ESRRG: variants seen among roughly 807,000 people sequenced by gnomAD.
ESRRG encodes estrogen related receptor gamma.
In ESRRG, 13 loss-of-function variants were observed where a neutral mutation model predicts 44.0. The observed-to-expected ratio is 0.30, with a 90% CI of 0.19 to 0.47. ESRRG has a LOEUF of 0.47. Among genes scored for constraint, ESRRG ranks in the 20% least tolerant of loss-of-function variants. ESRRG has a pLI of 1.00. For synonymous variants in ESRRG, 215 were observed against 214.6 expected (o/e 1.00, Z -0.02); for missense variants, 395 against 580.6 (o/e 0.68, Z 3.29).
At chr1:216,727,411 C>T (rs901881088), upstream of ESRRG, among the ~76,000 whole-genome samples, 4 of 152,054 alleles carry the variant, frequency 2.6e-5, no homozygotes, top group Admixed American at 2.6e-4. Context: ...AGCAAGGCAC[C>T]AGGCTCCCTT....
At chr1:217,075,789 T>C (rs1416856406) in intron 1 of ESRRG, among the ~76,000 whole-genome samples, 2 of 152,186 alleles carry the variant, frequency 1.3e-5, no homozygotes, top group Non-Finnish European at 2.9e-5. Flanking sequence ...ATAAGCACTA[T>C]GTTAACACTT....
chr1:217,056,051 T>C (rs746137545), intron 1 of ESRRG, among the ~76,000 whole-genome samples: 1 of 152,124 alleles, frequency 6.6e-6, no homozygotes, highest in Non-Finnish European at 1.5e-5. Context: ...CAATGGAACA[T>C]GGGTGAAAAT....
chr1:216,759,528 T>G (rs1348293931), intron 2 of ESRRG, among the ~76,000 whole-genome samples: 2 of 152,082 alleles, frequency 1.3e-5, no homozygotes, highest in African/African-American at 4.8e-5. Context: ...ACCCTTTTGT[T>G]GTTTTTCAAT....
intron 1 of ESRRG, among the ~76,000 whole-genome samples, chr1:216,720,977 G>T (rs1182541611): frequency 6.6e-6 from 1 of 152,164 alleles, no homozygotes; most frequent in Admixed American, 6.5e-5. Flanking sequence ...ATTTTAATCA[G>T]AGGTTGAAAG....
chr1:216,730,761 T>C (rs775286463), intron 2 of ESRRG, among the ~76,000 whole-genome samples: 6 of 152,002 alleles, frequency 3.9e-5, no homozygotes, highest in Non-Finnish European at 8.8e-5. Flanking sequence ...GATAAGATGA[T>C]TGGAAAAAAT....
At position 216,599,206 on chromosome 1, in the gene ESRRG, AT is replaced by A. The variant is rs531874371; in HGVS notation, c.590-31109del. Among the ~76,000 whole-genome samples the A allele has an allele frequency of 7.0e-4, 107 of 152,252 alleles. 1 individual carries two copies. Among genetic ancestry groups the A allele is most frequent in the South Asian group, 1.5e-3 (7 of 4,824 alleles). On this transcript the variant is annotated intron_variant, in intron 3 of 6. Coordinates refer to ENST00000408911, the MANE Select transcript of ESRRG (RefSeq NM_001438.4). Reference sequence around the variant, plus strand: ...CAACCCACAATTAAAGATCTTGAAAATTTAACCAGAGACACAAGAGATGAAA... The same window carrying A: ...CAACCCACAATTAAAGATCTTGAAAATTAACCAGAGACACAAGAGATGAAA...
intron 2 of ESRRG, among the ~76,000 whole-genome samples, chr1:216,900,063 T>C (rs771023109): frequency 1.3e-5 from 2 of 152,254 alleles, no homozygotes; most frequent in Non-Finnish European, 2.9e-5. Context: ...GTCGTCTCTA[T>C]ATGCTATCCA....
intron 2 of ESRRG, among the ~76,000 whole-genome samples, chr1:216,832,857 T>C (rs2095507649): frequency 6.6e-6 from 1 of 151,874 alleles, no homozygotes; most frequent in Non-Finnish European, 1.5e-5. Context: ...GTGCCTGTAA[T>C]CCCAGCTACT....
intron 5 of ESRRG, among the ~76,000 whole-genome samples, chr1:216,552,181 A>G (rs1302385919): frequency 6.6e-6 from 1 of 152,164 alleles, no homozygotes; most frequent in Admixed American, 6.6e-5. Flanking sequence ...TTCAAGAAAT[A>G]TATTGTCCAT....
At chr1:216,546,129 G>A (rs1479087114) in intron 5 of ESRRG, among the ~76,000 whole-genome samples, 1 of 152,012 alleles carries the variant, frequency 6.6e-6, no homozygotes, top group Non-Finnish European at 1.5e-5. Context: ...TGTCCTGTGC[G>A]AGGTAGGCTA....
At chr1:217,035,828 G>A (rs1378486606) in intron 1 of ESRRG, among the ~76,000 whole-genome samples, 1 of 152,060 alleles carries the variant, frequency 6.6e-6, no homozygotes, top group Non-Finnish European at 1.5e-5. Context: ...ATTAATAAGA[G>A]TATGGATGAT....
chr1:217,042,412 G>C (rs2084015274), intron 1 of ESRRG, among the ~76,000 whole-genome samples: 1 of 151,322 alleles, frequency 6.6e-6, no homozygotes, highest in Non-Finnish European at 1.5e-5. Flanking sequence ...GGCTGTTTCA[G>C]CTTGAAGCAC....
chr1:216,554,270 A>G (rs2057042247), intron 5 of ESRRG, among the ~76,000 whole-genome samples: 1 of 151,988 alleles, frequency 6.6e-6, no homozygotes, highest in African/African-American at 2.4e-5. Context: ...CCTGGCCAAC[A>G]TGGTGAAACT....
At chr1:216,910,813 A>G (rs989646588) in intron 2 of ESRRG, among the ~76,000 whole-genome samples, 1 of 152,196 alleles carries the variant, frequency 6.6e-6, no homozygotes, top group Admixed American at 6.5e-5. Flanking sequence ...TTGCCTGTGT[A>G]CATTGATAAG....
intron 3 of ESRRG, among the ~76,000 whole-genome samples, chr1:216,638,796 G>A (rs1574551996): frequency 6.6e-6 from 1 of 152,142 alleles, no homozygotes; most frequent in Non-Finnish European, 1.5e-5. Context: ...TAAAAGTTTG[G>A]AGATAGACTT....
chr1:216,944,937 C>A (rs2065830951), intron 1 of ESRRG, among the ~76,000 whole-genome samples: 1 of 152,040 alleles, frequency 6.6e-6, no homozygotes, highest in African/African-American at 2.4e-5. Flanking sequence ...TAACACACTG[C>A]AAATTTAGAG....
At chr1:216,777,998 C>T (rs2093676510) in intron 2 of ESRRG, among the ~76,000 whole-genome samples, 1 of 152,078 alleles carries the variant, frequency 6.6e-6, no homozygotes, top group Non-Finnish European at 1.5e-5. Flanking sequence ...ATCAGAAAAG[C>T]ATCATGCTCA....
chr1:216,672,312 C>A lies in ESRRG; in HGVS notation c.472+4764G>T, dbSNP rs188217255. 1.7e-3 allele frequency among the ~76,000 whole-genome samples: 261 copies of A among 152,300 alleles called. 3 individuals are homozygous for A. The highest frequency in any genetic ancestry group is 6.8e-3 in the Middle Eastern group (2 of 294). ...TGGCTTCTACCCAACTAAATGCTGA[C>A]ATAATTCAATAGTTTTTCAATGATA... On this transcript the variant is annotated intron_variant, in intron 2 of 6. Coordinates refer to ENST00000408911, the MANE Select transcript of ESRRG (RefSeq NM_001438.4).
chr1:217,013,593 A>G (rs1173189622), intron 1 of ESRRG, among the ~76,000 whole-genome samples: 2 of 152,222 alleles, frequency 1.3e-5, no homozygotes, highest in African/African-American at 2.4e-5. Flanking sequence ...AAGAGAGGTT[A>G]AGACCTATCA....
Sources: gnomAD v4.1 joint callset for allele counts (sites outside exome capture counted in the v4.1 genomes callset) on GRCh38, gnomAD v4.1.1 for gene constraint, MANE v1.5 for transcripts, NCBI Gene and HGNC (gene_info 2026-07-23, HGNC 2026-07-21) for gene names.